COBL: variants seen among roughly 807,000 people sequenced by gnomAD.
The protein encoded by COBL is protein cordon-bleu.
Under a neutral mutation model 98.8 loss-of-function variants are expected in COBL, and 51 were observed. That is an observed-to-expected ratio of 0.52 (90% CI 0.41 to 0.65). The LOEUF (loss-of-function observed/expected upper bound fraction) is 0.65. Among genes scored for constraint, COBL ranks in the 30% least tolerant of loss-of-function variants. The pLI, the probability that COBL is intolerant of heterozygous loss-of-function variation, is 0.00. For synonymous variants in COBL, 634 were observed against 651.7 expected (o/e 0.97, Z 0.41); for missense variants, 1,617 against 1,617.5 (o/e 1.00, Z 0.01).
At chr7:51,113,627 C>T (rs1302538032) in intron 6 of COBL, among the ~76,000 whole-genome samples, 1 of 151,986 alleles carries the variant, frequency 6.6e-6, no homozygotes, top group African/African-American at 2.4e-5. Context: ...TTATTTCTAC[C>T]AAAACAATAG....
At chr7:51,195,336 T>A (rs954128270) in intron 2 of COBL, among the ~76,000 whole-genome samples, 1 of 152,100 alleles carries the variant, frequency 6.6e-6, no homozygotes, top group African/African-American at 2.4e-5. Flanking sequence ...AGGTGTGTGA[T>A]CTTATTTTTG....
intron 1 of COBL, among the ~76,000 whole-genome samples, chr7:51,228,212 T>C (rs1178586381): frequency 2.6e-5 from 4 of 152,040 alleles, no homozygotes; most frequent in Non-Finnish European, 5.9e-5. Flanking sequence ...CTGTAATCTG[T>C]AGGCCTCAGT....
intron 1 of COBL, among the ~76,000 whole-genome samples, chr7:51,310,211 G>A (rs1802882837): frequency 6.6e-6 from 1 of 152,240 alleles, no homozygotes; most frequent in African/African-American, 2.4e-5. Flanking sequence ...GTGTCTGGCA[G>A]CACTGGCAGA....
rs141284364 is a variant in COBL at position 51,313,177 on chromosome 7, C to A, written c.41+3416G>T. ...TCATTTGAAAGAATGTAAACACTTT[C>A]TCTAACATGTTAGCCAAAAGCCAAA... On this transcript the variant is annotated intron_variant, in intron 1 of 12. Coordinates refer to ENST00000265136, the MANE Select transcript of COBL (RefSeq NM_015198.5). Among the ~76,000 whole-genome samples, 4 of 152,300 alleles carry A rather than the reference C, an allele frequency of 2.6e-5. No individual in the cohort carries two copies. In the East Asian group the frequency reaches 7.7e-4, roughly 29 times the overall value.
At chr7:51,287,801 A>C (rs1457090593) in intron 1 of COBL, among the ~76,000 whole-genome samples, 1 of 152,184 alleles carries the variant, frequency 6.6e-6, no homozygotes, top group Non-Finnish European at 1.5e-5. Flanking sequence ...ATGACTCTGC[A>C]TAATAACTGG....
intron 5 of COBL, among the ~76,000 whole-genome samples, chr7:51,150,000 C>T (rs976032633): frequency 1.3e-5 from 2 of 152,146 alleles, no homozygotes; most frequent in African/African-American, 4.8e-5. Flanking sequence ...TTCCATTAAA[C>T]CCTGGCAGCT....
intron 1 of COBL, among the ~76,000 whole-genome samples, chr7:51,236,622 A>T (rs543106769): frequency 6.6e-6 from 1 of 152,220 alleles, no homozygotes; most frequent in South Asian, 2.1e-4. Flanking sequence ...TGCCTTGGGA[A>T]AGAGCCTGGG....
In COBL at chr7:51,017,413, G is replaced by A. The variant is rs1314415884; in HGVS notation, c.*138C>T. On this transcript the variant is annotated 3_prime_UTR_variant, in exon 13 of 13. Transcript: ENST00000265136. ...TCAAGCCGTTATACAGGAACACACC[G>A]AAAATCAACTGTGCGCATTTGGCCT... The A allele has an allele frequency of 1.9e-5, 15 of 785,640 alleles. No homozygotes were observed. The highest frequency in any genetic ancestry group is 7.2e-5 in the African/African-American group (3 of 41,920). 48.7% of individuals were successfully genotyped at this position (785,640 alleles called of 1,614,324 possible). A position where few individuals can be genotyped will look rare whatever the true frequency, so the allele number is the denominator to read the frequency against.
At chr7:51,263,330 GAGA>G (rs1253056879) in intron 1 of COBL, among the ~76,000 whole-genome samples, 1 of 152,222 alleles carries the variant, frequency 6.6e-6, no homozygotes. Context: ...TCCCACGTGT[GAGA>G]AGGAGGGAGC....
intron 6 of COBL, among the ~76,000 whole-genome samples, chr7:51,121,638 A>G (rs1346241154): frequency 6.6e-6 from 1 of 152,206 alleles, no homozygotes; most frequent in Non-Finnish European, 1.5e-5. Flanking sequence ...TCAAGACGAG[A>G]TGGTGCCTAG....
At chr7:51,307,755 G>C (rs1464411271) in intron 1 of COBL, among the ~76,000 whole-genome samples, 2 of 152,216 alleles carry the variant, frequency 1.3e-5, no homozygotes, top group Non-Finnish European at 2.9e-5. Flanking sequence ...CTTTGATTAT[G>C]GCTTGTGCCG....
At chr7:51,046,627 T>A (rs1454436573) in intron 7 of COBL, among the ~76,000 whole-genome samples, 1 of 152,038 alleles carries the variant, frequency 6.6e-6, no homozygotes, top group Non-Finnish European at 1.5e-5. Context: ...GCAGGAGACT[T>A]TTTTTTTCTT....
chr7:51,221,271 C>T (rs1054515421), intron 1 of COBL, among the ~76,000 whole-genome samples: 4 of 152,070 alleles, frequency 2.6e-5, no homozygotes, highest in South Asian at 2.1e-4. Context: ...GAGTGGTCTT[C>T]CAAAGGCATT....
At chr7:51,259,827 T>A in intron 1 of COBL, 1 of 754,058 alleles carries the variant, frequency 1.3e-6, no homozygotes, top group South Asian at 1.3e-5. Context: ...CCACTAAAAA[T>A]TTTCTTTAGG....
intron 12 of COBL, among the ~76,000 whole-genome samples, chr7:51,020,472 C>T (rs528517466): frequency 2.0e-5 from 3 of 152,270 alleles, no homozygotes; most frequent in South Asian, 2.1e-4. Flanking sequence ...GTAGGTTCTC[C>T]GGAAATGCTT....
At chr7:51,225,772 T>C (rs1007772056) in intron 1 of COBL, among the ~76,000 whole-genome samples, 3 of 152,194 alleles carry the variant, frequency 2.0e-5, no homozygotes, top group African/African-American at 7.2e-5. Flanking sequence ...TGGGTTTTTA[T>C]TCTGAGAGCT....
At chr7:51,136,405 G>C in intron 5 of COBL, 74 bp from the exon 6 acceptor site, 4 of 1,456,258 alleles carry the variant, frequency 2.7e-6, no homozygotes, top group Non-Finnish European at 3.7e-6. Context: ...CTCACATGAA[G>C]ACAAAGTTCC....
At chr7:51,083,343 G>C in intron 7 of COBL, 1 of 705,584 alleles carries the variant, frequency 1.4e-6, no homozygotes, top group Non-Finnish European at 2.3e-6. Context: ...ACCAGATCCA[G>C]CCACACCTAA....
intron 5 of COBL, among the ~76,000 whole-genome samples, chr7:51,173,196 G>C (rs1440293746): frequency 6.6e-6 from 1 of 151,740 alleles, no homozygotes; most frequent in Non-Finnish European, 1.5e-5. Flanking sequence ...TTTGTTTTTT[G>C]TTTTGAGCAG....
Sources: allele counts gnomAD v4.1 joint callset (sites outside exome capture counted in the v4.1 genomes callset), GRCh38; gene constraint gnomAD v4.1.1; transcripts MANE v1.5; gene names NCBI Gene and HGNC (gene_info 2026-07-23, HGNC 2026-07-21).